MROH1: variants seen among roughly 807,000 people sequenced by gnomAD.
MROH1 encodes the protein maestro heat like repeat family member 1.
Under a neutral mutation model 116.5 loss-of-function variants are expected in MROH1, and 117 were observed. The ratio of observed to expected loss-of-function variants is 1.00; its 90% confidence interval spans 0.86 to 1.17. The LOEUF (loss-of-function observed/expected upper bound fraction) is 1.17. MROH1 is among the 50% of genes most tolerant of loss of function. The pLI, the probability that MROH1 is intolerant of heterozygous loss-of-function variation, is 0.00. For missense variants in MROH1, 1,873 were observed against 1,338.5 expected (o/e 1.40, Z -6.23); for synonymous variants, 921 against 583.9 (o/e 1.58, Z -8.32).
chr8:144,180,067 C>T lies in MROH1; in HGVS notation c.301-111C>T. ...TGTGCCCGCCACCTTCCCTGACCTGCACTTTCTGGGGACGCTGAAAACAGC... is the reference window on the plus strand; with the variant it reads ...TGTGCCCGCCACCTTCCCTGACCTGTACTTTCTGGGGACGCTGAAAACAGC... On this transcript the variant is annotated intron_variant, in intron 5 of 43. Transcript: ENST00000326134. This position sits in a 1 kb window ranked among gnomAD's most constrained non-coding sequence, Gnocchi z 7.4. 7.3e-7 allele frequency: 1 copy of T among 1,375,258 alleles called. No homozygotes were observed. The highest frequency in any genetic ancestry group is 1.0e-6 in the Non-Finnish European group (1 of 986,748). 85.2% of individuals were successfully genotyped at this position (1,375,258 alleles called of 1,614,324 possible).
chr8:144,149,600 C>T (rs1223370861), intron 1 of MROH1, among the ~76,000 whole-genome samples: 1 of 152,080 alleles, frequency 6.6e-6, no homozygotes, highest in Non-Finnish European at 1.5e-5. Flanking sequence ...TGTCTCGTAG[C>T]CCCCCTTTCA....
chr8:144,215,594 G>C (rs1010124936), intron 12 of MROH1, among the ~76,000 whole-genome samples: 1 of 152,182 alleles, frequency 6.6e-6, no homozygotes, highest in Non-Finnish European at 1.5e-5. Flanking sequence ...AACACAGGCC[G>C]GGCATGGTGG....
intron 22 of MROH1, 29 bp downstream of exon 22, chr8:144,241,546 G>A: frequency 5.1e-6 from 4 of 777,538 alleles, no homozygotes; most frequent in South Asian, 4.0e-5. Flanking sequence ...CAGGGCTGGG[G>A]ACGGCTGTCT....
intron 18 of MROH1, 112 bp from the exon 19 acceptor site, chr8:144,239,989 G>A (rs1271478544): frequency 2.5e-5 from 18 of 714,090 alleles, no homozygotes; most frequent in South Asian, 9.0e-5. Context: ...GGGGGGCAGC[G>A]GGGCGGCGGG....
At chr8:144,187,177 G>A (rs568819062) in intron 7 of MROH1, among the ~76,000 whole-genome samples, 2 of 152,134 alleles carry the variant, frequency 1.3e-5, no homozygotes, top group East Asian at 1.9e-4. Context: ...TTGGGAGGCC[G>A]AGGTGGTTGG....
At chr8:144,252,887 C>T (rs997681044) in intron 33 of MROH1, among the ~76,000 whole-genome samples, 1 of 151,858 alleles carries the variant, frequency 6.6e-6, no homozygotes, top group African/African-American at 2.4e-5. Context: ...ACCCAGGAGG[C>T]GGAAGATGCA....
At position 144,242,350 on chromosome 8, in the gene MROH1, G is replaced by T; in HGVS notation, c.2179-19G>T. ...GTAATTGTGTAACTGAAGTCCCGCT[G>T]GTTCCTCTGGCCTCTCAGGATCGAA... On this transcript the variant is annotated intron_variant, in intron 22 of 43. Coordinates refer to ENST00000326134, the MANE Select transcript of MROH1 (RefSeq NM_032450.3). 1 of 780,680 alleles carries T rather than the reference G, an allele frequency of 1.3e-6. No individual in the cohort carries two copies. Among genetic ancestry groups the T allele is most frequent in the Non-Finnish European group, 2.4e-6 (1 of 417,842 alleles). 48.4% of individuals were successfully genotyped at this position (780,680 alleles called of 1,614,324 possible). A position where few individuals can be genotyped will look rare whatever the true frequency, so the allele number is the denominator to read the frequency against.
Position 144,260,039 on chromosome 8 carries a change from C to T in MROH1, c.4173C>T (p.Ala1391=), listed in dbSNP as rs1022182823. The change falls in exon 38 of 44, where the codon GCC becomes GCT. Residue 1391 remains alanine, a synonymous_variant. Coordinates refer to ENST00000326134, the MANE Select transcript of MROH1 (RefSeq NM_032450.3). The part of the protein sequence containing the change: ...RLVLRGLANL[A]SGCPDKVRTH... ...TGCTCCGCGGCCTGGCCAACCTGGCCTCCGGCTGCCCTGACAAGGTGGGGT... is the reference window on the plus strand; with the variant it reads ...TGCTCCGCGGCCTGGCCAACCTGGCTTCCGGCTGCCCTGACAAGGTGGGGT... 80 of 724,400 alleles carry T rather than the reference C, an allele frequency of 1.1e-4. 1 individual carries two copies. The highest frequency in any genetic ancestry group is 1.4e-5 in the South Asian group (1 of 69,382). 44.9% of individuals were successfully genotyped at this position (724,400 alleles called of 1,614,324 possible). A position where few individuals can be genotyped will look rare whatever the true frequency, so the allele number is the denominator to read the frequency against.
chr8:144,161,402 G>T (rs1009241126), intron 2 of MROH1, among the ~76,000 whole-genome samples: 2 of 152,092 alleles, frequency 1.3e-5, no homozygotes, highest in Admixed American at 1.3e-4. Context: ...GTTCTCTCTG[G>T]GCAGCGCTTT....
intron 10 of MROH1, 167 bp downstream of exon 10, chr8:144,192,568 G>A (rs746232581): frequency 1.4e-5 from 10 of 714,860 alleles, no homozygotes; most frequent in Admixed American, 1.2e-4. Flanking sequence ...GCGATGTGGC[G>A]ATGCTCTTGC....
chr8:144,184,942 A>G (rs1826576443), intron 7 of MROH1, among the ~76,000 whole-genome samples: 1 of 152,008 alleles, frequency 6.6e-6, no homozygotes, highest in Admixed American at 6.6e-5. Context: ...AGGAGTCCCC[A>G]CCCCCTGCAC....
chr8:144,261,663 A>T lies in MROH1; in HGVS notation c.4849A>T (p.Ile1617Phe). The T allele has an allele frequency of 1.4e-6, 1 of 722,336 alleles. No individual in the cohort carries two copies. 44.7% of individuals were successfully genotyped at this position (722,336 alleles called of 1,614,324 possible). A position where few individuals can be genotyped will look rare whatever the true frequency, so the allele number is the denominator to read the frequency against. The change falls in exon 44 of 44, where the codon ATC becomes TTC. Residue 1617 changes from isoleucine to phenylalanine, a missense_variant. Transcript: ENST00000326134. ...DLDQLIAALQ[I>F]LLKDPAPEVR... ...CCCTCCTCTACCCCCAGCGCTCCAG[A>T]TCCTGCTGAAGGACCCGGCCCCCGA...
intron 1 of MROH1, among the ~76,000 whole-genome samples, chr8:144,155,173 A>G (rs1817737558): frequency 6.6e-6 from 1 of 151,650 alleles, no homozygotes; most frequent in South Asian, 2.1e-4. Context: ...CTGGTCTCGA[A>G]CTCCTGACCT....
At chr8:144,171,887 C>T (rs1374388889) in intron 4 of MROH1, among the ~76,000 whole-genome samples, 4 of 152,216 alleles carry the variant, frequency 2.6e-5, no homozygotes, top group Admixed American at 6.5e-5. Flanking sequence ...CCGGGAGCGA[C>T]GTGGAAAACT....
chr8:144,246,988 C>T (rs1457856426), intron 29 of MROH1, among the ~76,000 whole-genome samples: 2 of 152,376 alleles, frequency 1.3e-5, no homozygotes, highest in South Asian at 2.1e-4. Flanking sequence ...CCCAGTTGTC[C>T]GTCTGCCTGC....
chr8:144,222,255 G>A (rs1836928745), intron 13 of MROH1, among the ~76,000 whole-genome samples: 1 of 152,156 alleles, frequency 6.6e-6, no homozygotes, highest in African/African-American at 2.4e-5. Context: ...GTGGCTTTGG[G>A]TGGAGCCCTC....
At chr8:144,250,161 C>T (rs1001118763) in intron 32 of MROH1, 51 bp from the exon 33 acceptor site, 3 of 746,772 alleles carry the variant, frequency 4.0e-6, no homozygotes, top group Non-Finnish European at 4.9e-6. Context: ...TAGGTGTGCC[C>T]ACAGCTGTCC....
intron 4 of MROH1, among the ~76,000 whole-genome samples, chr8:144,174,652 T>C (rs1823376190): frequency 6.6e-6 from 1 of 151,916 alleles, no homozygotes; most frequent in Admixed American, 6.6e-5. Context: ...TGGCTAATTG[T>C]TTTTATTTTT....
chr8:144,217,590 G>C (rs991954454), intron 12 of MROH1, among the ~76,000 whole-genome samples: 1 of 152,110 alleles, frequency 6.6e-6, no homozygotes, highest in African/African-American at 2.4e-5. Flanking sequence ...CCTTATTGTT[G>C]GTTGTTGTTG....
Sources: allele counts gnomAD v4.1 joint callset (sites outside exome capture counted in the v4.1 genomes callset), GRCh38; gene constraint gnomAD v4.1.1; non-coding constraint Gnocchi (gnomAD v3.1); transcripts MANE v1.5; gene names NCBI Gene and HGNC (gene_info 2026-07-23, HGNC 2026-07-21).